Variants in ENDOD1 observed in about 807,000 individuals in gnomAD.
ENDOD1 encodes endonuclease domain-containing 1 protein.
Under a neutral mutation model 6.5 loss-of-function variants are expected in ENDOD1, and 9 were observed. The ratio of observed to expected loss-of-function variants is 1.39; its 90% CI spans 0.84 to 2.43. ENDOD1 has a LOEUF of 2.43. Among genes scored for constraint, ENDOD1 ranks in the 30% most tolerant of loss-of-function variants. ENDOD1 has a pLI of 0.00. For synonymous variants in ENDOD1, 255 were observed against 255.2 expected, an observed-to-expected ratio of 1.00 and a Z score of 0.01; for missense variants, 648 against 635.5, an observed-to-expected ratio of 1.02 and a Z score of -0.21.
At chr11:95,095,962 GT>G (rs1461694264) in intron 1 of ENDOD1, among the ~76,000 whole-genome samples, 2 of 152,166 alleles carry the variant, frequency 1.3e-5, no homozygotes, top group African/African-American at 4.8e-5. Context: ...TCTTTGGATG[GT>G]TTATGGTTTC....
At chr11:95,121,317 G>A (rs1409885105) in intron 1 of ENDOD1, among the ~76,000 whole-genome samples, 20 of 152,132 alleles carry the variant, frequency 1.3e-4, no homozygotes, top group Admixed American at 1.2e-3. Flanking sequence ...CACCTGTCTT[G>A]TATGTGGTAG....
intron 1 of ENDOD1, among the ~76,000 whole-genome samples, chr11:95,123,120 C>T (rs989220985): frequency 4.6e-5 from 7 of 150,896 alleles, no homozygotes; most frequent in African/African-American, 1.2e-4. Flanking sequence ...ACCCGGTAGG[C>T]GGAGGTTGCA....
chr11:95,123,532 T>C (rs1003150823), intron 1 of ENDOD1, among the ~76,000 whole-genome samples: 1 of 144,678 alleles, frequency 6.9e-6, no homozygotes, highest in African/African-American at 2.5e-5. Flanking sequence ...AGTAAAAGTG[T>C]TGAAACATAC....
At chr11:95,125,614 C>A (rs1173685699) in intron 1 of ENDOD1, among the ~76,000 whole-genome samples, 1 of 141,412 alleles carries the variant, frequency 7.1e-6, no homozygotes, top group African/African-American at 2.6e-5. Context: ...CCACAACCAT[C>A]CCCGGTGCGT....
intron 1 of ENDOD1, among the ~76,000 whole-genome samples, chr11:95,093,711 C>A (rs1858953238): frequency 6.6e-6 from 1 of 152,150 alleles, no homozygotes; most frequent in Non-Finnish European, 1.5e-5. Context: ...GTGAGATGTT[C>A]TGCTTCAGTT....
chr11:95,130,414 T>A lies in ENDOD1; in HGVS notation c.*835T>A, dbSNP rs1859360085. ...GGTGGACAGCCCTGCTCTTAGTAGG[T>A]GCTGCAGATCCAAGGACATCTTTTG... On this transcript the variant is annotated 3_prime_UTR_variant, in exon 2 of 2. Transcript: ENST00000278505. 1 of 152,010 alleles carries A rather than the reference T, an allele frequency of 6.6e-6. No homozygotes were observed. The highest frequency in any genetic ancestry group is 1.5e-5 in the Non-Finnish European group (1 of 68,018). The allele number at this position is 152,010 out of a possible 1,614,324, so 9.4% of individuals were successfully genotyped here. A position where few individuals can be genotyped will look rare whatever the true frequency, so the allele number is the denominator to read the frequency against.
In ENDOD1 at chr11:95,130,484, G is replaced by A. The variant is rs1370676577; in HGVS notation, c.*905G>A. 1 of 152,056 alleles carries A rather than the reference G, an allele frequency of 6.6e-6. No homozygotes were observed. The highest frequency in any genetic ancestry group is 1.5e-5 in the Non-Finnish European group (1 of 68,018). The allele number at this position is 152,056 out of a possible 1,614,324, so 9.4% of individuals were successfully genotyped here. ...ACGTGTATCCCTGCCTGACAAGGTT[G>A]AACTGAAAGATCTATATGTTAAGCT... On this transcript the variant is annotated 3_prime_UTR_variant, in exon 2 of 2. Coordinates refer to ENST00000278505, the MANE Select transcript of ENDOD1 (RefSeq NM_015036.3).
intron 1 of ENDOD1, among the ~76,000 whole-genome samples, chr11:95,097,444 A>T (rs1555110437): frequency 6.6e-6 from 1 of 152,206 alleles, no homozygotes; most frequent in Admixed American, 6.5e-5. Context: ...GCTAGAGAAG[A>T]GTAAATGAGA....
At chr11:95,109,684 C>T (rs1401989808) in intron 1 of ENDOD1, among the ~76,000 whole-genome samples, 2 of 152,292 alleles carry the variant, frequency 1.3e-5, no homozygotes, top group African/African-American at 4.8e-5. Flanking sequence ...TCCACTCACA[C>T]CAGTTGCCCA....
intron 1 of ENDOD1, among the ~76,000 whole-genome samples, chr11:95,094,430 A>C (rs1181011726): frequency 1.3e-5 from 2 of 151,910 alleles, no homozygotes; most frequent in African/African-American, 4.8e-5. Context: ...TCTAATTTCT[A>C]CTCCACTTCT....
chr11:95,094,684 C>A (rs1039337292), intron 1 of ENDOD1, among the ~76,000 whole-genome samples: 1 of 152,204 alleles, frequency 6.6e-6, no homozygotes, highest in Non-Finnish European at 1.5e-5. Flanking sequence ...AACAGAAATA[C>A]TGTTCAATTT....
At chr11:95,100,294 C>T (rs1555110710) in intron 1 of ENDOD1, among the ~76,000 whole-genome samples, 1 of 152,096 alleles carries the variant, frequency 6.6e-6, no homozygotes, top group Non-Finnish European at 1.5e-5. Context: ...CTCCTCTATC[C>T]TTTCTCTACT....
intron 1 of ENDOD1, among the ~76,000 whole-genome samples, chr11:95,107,366 G>T (rs1213399158): frequency 6.6e-6 from 1 of 151,782 alleles, no homozygotes; most frequent in Non-Finnish European, 1.5e-5. Context: ...GTCTGGGTGA[G>T]GCCTGAGGAT....
intron 1 of ENDOD1, among the ~76,000 whole-genome samples, chr11:95,090,845 G>C (rs782090945): frequency 5.9e-5 from 9 of 152,102 alleles, no homozygotes; most frequent in Non-Finnish European, 1.3e-4. Flanking sequence ...CCTCTACCAC[G>C]GCGTTGAGTA....
intron 1 of ENDOD1, among the ~76,000 whole-genome samples, chr11:95,092,481 G>C (rs782151483): frequency 2.0e-5 from 3 of 152,144 alleles, no homozygotes; most frequent in Non-Finnish European, 4.4e-5. Context: ...AAAGAAGATG[G>C]GAAGGGAGGG....
rs782289289 is a variant in ENDOD1 at position 95,090,111 on chromosome 11, G to T, written c.184G>T (p.Ala62Ser). 6.3e-7 allele frequency: 1 copy of T among 1,581,996 alleles called. No homozygotes were observed. Among genetic ancestry groups the T allele is most frequent in the South Asian group, 1.2e-5 (1 of 86,090 alleles). The change falls in exon 1 of 2, where the codon GCT (alanine) becomes TCT (serine). Residue 62 changes from alanine to serine, a missense_variant. Ala to Ser is a moderately conservative substitution (Grantham distance 99, BLOSUM62 1). Transcript: ENST00000278505. The part of the protein sequence containing the change: ...HVKICQRAEG[A>S]ERFATLYSTR... ...GAAGATCTGTCAGCGCGCGGAGGGT[G>T]CTGAGCGCTTCGCCACCCTCTACAG...
chr11:95,090,138 A>G lies in ENDOD1; in HGVS notation c.211A>G (p.Thr71Ala). ...GAERFATLYS[T>A]RDRIPVYSAF... ...TGAGCGCTTCGCCACCCTCTACAGC[A>G]CCCGGGACCGCATCCCCGTGTACTC... The change falls in exon 1 of 2, where the codon ACC becomes GCC. Residue 71 changes from threonine to alanine, a missense_variant. Transcript: ENST00000278505. 6.5e-7 allele frequency: 1 copy of G among 1,528,638 alleles called. No individual in the cohort carries two copies. 94.7% of individuals were successfully genotyped at this position (1,528,638 alleles called of 1,614,324 possible). A position where few individuals can be genotyped will look rare whatever the true frequency, so the allele number is the denominator to read the frequency against.
intron 1 of ENDOD1, among the ~76,000 whole-genome samples, chr11:95,115,213 G>A (rs1169141651): frequency 6.6e-6 from 1 of 151,904 alleles, no homozygotes; most frequent in Non-Finnish European, 1.5e-5. Flanking sequence ...TACTTCTTTG[G>A]TTCTGTTAAA....
At chr11:95,108,780 C>T (rs941859211) in intron 1 of ENDOD1, among the ~76,000 whole-genome samples, 2 of 152,154 alleles carry the variant, frequency 1.3e-5, no homozygotes, top group East Asian at 1.9e-4. Flanking sequence ...CTCCTTCCCT[C>T]GCTGGGTATT....
Sources: allele counts gnomAD v4.1 joint callset (sites outside exome capture counted in the v4.1 genomes callset), GRCh38; gene constraint gnomAD v4.1.1; transcripts MANE v1.5; gene names NCBI Gene and HGNC (gene_info 2026-07-23, HGNC 2026-07-21).